LHFPL3: variants seen among roughly 807,000 people sequenced by gnomAD.
LHFPL3 encodes LHFPL tetraspan subfamily member 3 protein.
A neutral mutation model predicts 19.3 loss-of-function variants in LHFPL3; 5 were observed. That is an observed-to-expected ratio of 0.26 (90% CI 0.14 to 0.54). The LOEUF is 0.54. LHFPL3 is among the 20% of genes least tolerant of loss of function. The pLI is 0.94. For synonymous variants in LHFPL3, 133 were observed against 126.2 expected (o/e 1.05, Z -0.36); for missense variants, 249 against 307.4 (o/e 0.81, Z 1.42).
chr7:104,345,254 T>C (rs1226239946), intron 1 of LHFPL3, among the ~76,000 whole-genome samples: 2 of 152,214 alleles, frequency 1.3e-5, no homozygotes, highest in Non-Finnish European at 2.9e-5. Context: ...ATTCTCTATG[T>C]TCTTTAACTC....
intron 1 of LHFPL3, among the ~76,000 whole-genome samples, chr7:104,595,975 C>G (rs1435336427): frequency 6.6e-6 from 1 of 152,246 alleles, no homozygotes; most frequent in Non-Finnish European, 1.5e-5. Flanking sequence ...CATGGCTTCC[C>G]TTGGCTAGGA....
intron 2 of LHFPL3, among the ~76,000 whole-genome samples, chr7:104,870,586 C>T (rs1355043162): frequency 6.6e-6 from 1 of 152,184 alleles, no homozygotes; most frequent in African/African-American, 2.4e-5. Context: ...AGCTTTCAGC[C>T]AGGTGGAGAC....
intron 1 of LHFPL3, among the ~76,000 whole-genome samples, chr7:104,431,838 G>C (rs149204630): frequency 6.6e-6 from 1 of 152,198 alleles, no homozygotes; most frequent in African/African-American, 2.4e-5. Flanking sequence ...GAAGGCTTAG[G>C]GTTTTCCTCT....
intron 1 of LHFPL3, among the ~76,000 whole-genome samples, chr7:104,463,028 A>T (rs893788891): frequency 1.3e-5 from 2 of 152,134 alleles, no homozygotes; most frequent in African/African-American, 4.8e-5. Flanking sequence ...ATATGCATAG[A>T]GGTATCCATA....
chr7:104,799,629 C>G (rs764279401), intron 2 of LHFPL3: 1 of 152,606 alleles, frequency 6.6e-6, no homozygotes, highest in Non-Finnish European at 1.5e-5. Flanking sequence ...CTTCGATGCT[C>G]CCTCTTGGGT....
At chr7:104,680,900 T>G (rs1379768394) in intron 1 of LHFPL3, among the ~76,000 whole-genome samples, 3 of 152,166 alleles carry the variant, frequency 2.0e-5, no homozygotes, top group Non-Finnish European at 4.4e-5. Flanking sequence ...AAATTTAGCC[T>G]GGTGTGAAAT....
At chr7:104,674,185 T>A (rs1792542506) in intron 1 of LHFPL3, among the ~76,000 whole-genome samples, 1 of 152,050 alleles carries the variant, frequency 6.6e-6, no homozygotes, top group Admixed American at 6.6e-5. Context: ...AGACACTGAT[T>A]TCTTCATCCT....
At chr7:104,894,735 G>C (rs1448427235) in intron 2 of LHFPL3, 1 of 152,108 alleles carries the variant, frequency 6.6e-6, no homozygotes. Flanking sequence ...TCCTCTCTCT[G>C]TCTCCCTAAA....
chr7:104,451,407 C>T (rs2116601491), intron 1 of LHFPL3, among the ~76,000 whole-genome samples: 1 of 152,266 alleles, frequency 6.6e-6, no homozygotes, highest in East Asian at 1.9e-4. Context: ...CTCTAAAGCA[C>T]TGTGATATTG....
chr7:104,704,916 A>C lies in LHFPL3; in HGVS notation c.446-31759A>C, dbSNP rs142845465. Reference sequence around the variant, plus strand: ...CTCCCAGAGTGCTGGGATTATAGGCATGAGCCATTGCACTGAGCTCACTAG... The same window carrying C: ...CTCCCAGAGTGCTGGGATTATAGGCCTGAGCCATTGCACTGAGCTCACTAG... On this transcript the variant is annotated intron_variant, in intron 1 of 2. Coordinates refer to ENST00000424859, the MANE Select transcript of LHFPL3 (RefSeq NM_199000.3). Among the ~76,000 whole-genome samples the C allele has an allele frequency of 2.4e-3, 366 of 152,320 alleles. 8 individuals are homozygous for C. Among genetic ancestry groups the C allele is most frequent in the Admixed American group, 0.016 (247 of 15,312 alleles).
At chr7:104,465,132 C>G (rs1301279980) in intron 1 of LHFPL3, among the ~76,000 whole-genome samples, 1 of 143,538 alleles carries the variant, frequency 7.0e-6, no homozygotes, top group Non-Finnish European at 1.5e-5. Context: ...TACTCCAGCT[C>G]CCAAAAAGTT....
intron 1 of LHFPL3, among the ~76,000 whole-genome samples, chr7:104,552,434 AC>A (rs986323418): frequency 4.6e-5 from 7 of 152,274 alleles, no homozygotes; most frequent in African/African-American, 1.7e-4. Flanking sequence ...CTAGAGTGTC[AC>A]CCTGTTCATG....
intron 1 of LHFPL3, among the ~76,000 whole-genome samples, chr7:104,504,304 C>G (rs1469696908): frequency 6.6e-6 from 1 of 152,168 alleles, no homozygotes; most frequent in Non-Finnish European, 1.5e-5. Flanking sequence ...AAGTCATTGT[C>G]AATCACGTAT....
chr7:104,372,564 G>T (rs1041629375), intron 1 of LHFPL3, among the ~76,000 whole-genome samples: 2 of 152,196 alleles, frequency 1.3e-5, no homozygotes, highest in Admixed American at 1.3e-4. Flanking sequence ...ATCCTCAAAA[G>T]AAAAGGTCTA....
At chr7:104,546,666 A>G (rs1354337113) in intron 1 of LHFPL3, among the ~76,000 whole-genome samples, 1 of 152,200 alleles carries the variant, frequency 6.6e-6, no homozygotes, top group Admixed American at 6.5e-5. Context: ...TAGCTGTACA[A>G]AATCATATAG....
chr7:104,348,071 G>A (rs1790106106), intron 1 of LHFPL3, among the ~76,000 whole-genome samples: 1 of 152,146 alleles, frequency 6.6e-6, no homozygotes, highest in Non-Finnish European at 1.5e-5. Context: ...TATCATTTCT[G>A]TATGATCTAA....
intron 1 of LHFPL3, among the ~76,000 whole-genome samples, chr7:104,635,959 G>A (rs947931648): frequency 4.6e-5 from 7 of 152,186 alleles, no homozygotes; most frequent in African/African-American, 1.7e-4. Flanking sequence ...GTTAGAGGTT[G>A]TAGGAAAGAC....
At chr7:104,568,954 G>A (rs1790175374) in intron 1 of LHFPL3, among the ~76,000 whole-genome samples, 1 of 150,188 alleles carries the variant, frequency 6.7e-6, no homozygotes, top group East Asian at 1.9e-4. Context: ...GAAAGAGAAA[G>A]GCTAACATAA....
At chr7:104,468,728 G>A (rs1415685241) in intron 1 of LHFPL3, among the ~76,000 whole-genome samples, 3 of 149,136 alleles carry the variant, frequency 2.0e-5, no homozygotes, top group Non-Finnish European at 4.4e-5. Flanking sequence ...GTGCGATCTC[G>A]GCTCACTGCA....
Sources: allele counts gnomAD v4.1 joint callset (sites outside exome capture counted in the v4.1 genomes callset), GRCh38; gene constraint gnomAD v4.1.1; transcripts MANE v1.5; gene names NCBI Gene and HGNC (gene_info 2026-07-23, HGNC 2026-07-21).